BFSP2: variants seen among roughly 807,000 people sequenced by gnomAD.
BFSP2 encodes the protein phakinin.
BFSP2 carries 38 observed loss-of-function variants against 44.9 expected under a neutral mutation model. The ratio of observed to expected loss-of-function variants is 0.85; its 90% confidence interval spans 0.65 to 1.11. BFSP2 has a LOEUF of 1.11. BFSP2 is among the 50% of genes least tolerant of loss of function. The pLI, the probability that BFSP2 is intolerant of heterozygous loss-of-function variation, is 0.00. For missense variants in BFSP2, 525 were observed against 533.0 expected, an observed-to-expected ratio of 0.99 and a Z score of 0.15; for synonymous variants, 197 against 209.9, an observed-to-expected ratio of 0.94 and a Z score of 0.53.
At chr3:133,430,608 GT>G (rs2073704789) in intron 1 of BFSP2, among the ~76,000 whole-genome samples, 1 of 152,110 alleles carries the variant, frequency 6.6e-6, no homozygotes, top group African/African-American at 2.4e-5. Context: ...AATAATTCTT[GT>G]CATAAAATGG....
At chr3:133,426,627 A>G (rs1291111456) in intron 1 of BFSP2, among the ~76,000 whole-genome samples, 1 of 152,236 alleles carries the variant, frequency 6.6e-6, no homozygotes, top group Admixed American at 6.5e-5. Flanking sequence ...CAAGCCATCA[A>G]ACTTCCATCT....
At position 133,466,406 on chromosome 3, in the gene BFSP2, G is replaced by A. The variant is rs574718427; in HGVS notation, c.892-422G>A. Among the ~76,000 whole-genome samples the A allele has an allele frequency of 2.1e-3, 313 of 151,972 alleles. 2 individuals are homozygous for A. The highest frequency in any genetic ancestry group is 7.1e-3 in the African/African-American group (296 of 41,476). Reference sequence around the variant, plus strand: ...AAAAAAAAGACATTTCCAGCCAGGCGTGGTGGCTCACGCCTGTAATCCTAG... The same window carrying A: ...AAAAAAAAGACATTTCCAGCCAGGCATGGTGGCTCACGCCTGTAATCCTAG... On this transcript the variant is annotated intron_variant, in intron 4 of 6. Transcript: ENST00000302334.
intron 1 of BFSP2, among the ~76,000 whole-genome samples, chr3:133,401,539 G>A (rs975708666): frequency 4.6e-5 from 7 of 152,218 alleles, no homozygotes; most frequent in East Asian, 3.9e-4. Flanking sequence ...TGATTTCTGC[G>A]GAGTCTGGAG....
At chr3:133,421,860 G>T (rs1459301790) in intron 1 of BFSP2, among the ~76,000 whole-genome samples, 1 of 152,140 alleles carries the variant, frequency 6.6e-6, no homozygotes, top group African/African-American at 2.4e-5. Context: ...CGTAATCCCA[G>T]CACTTTGGGA....
chr3:133,409,448 C>G (rs1039470975), intron 1 of BFSP2, among the ~76,000 whole-genome samples: 2 of 152,064 alleles, frequency 1.3e-5, no homozygotes, highest in Non-Finnish European at 2.9e-5. Context: ...TGCCTATTTC[C>G]AAGTCTGACC....
intron 1 of BFSP2, chr3:133,409,807 C>A (rs921756989): frequency 6.6e-6 from 1 of 152,256 alleles, no homozygotes; most frequent in African/African-American, 2.4e-5. Context: ...GCTACCCCAA[C>A]TCCATGGGGA....
At chr3:133,416,866 G>A (rs1416952904) in intron 1 of BFSP2, among the ~76,000 whole-genome samples, 2 of 34,170 alleles carry the variant, frequency 5.9e-5, no homozygotes, top group East Asian at 8.9e-4. Context: ...TACTCACCCC[G>A]CCCCCTCTGC....
At chr3:133,466,777 G>A in intron 4 of BFSP2, 51 bp from the exon 5 acceptor site, 1 of 1,607,200 alleles carries the variant, frequency 6.2e-7, no homozygotes, top group Non-Finnish European at 8.5e-7. Flanking sequence ...AGGAAGGATG[G>A]GCTCAGATTT....
chr3:133,408,267 A>C (rs1219622352), intron 1 of BFSP2, among the ~76,000 whole-genome samples: 1 of 152,224 alleles, frequency 6.6e-6, no homozygotes, highest in Non-Finnish European at 1.5e-5. Flanking sequence ...CTAATGTCTC[A>C]ACTGCACTCA....
chr3:133,448,473 G>C lies in BFSP2; in HGVS notation c.573-16G>C, dbSNP rs1225184863. 6.2e-7 allele frequency: 1 copy of C among 1,613,290 alleles called. No individual in the cohort carries two copies. The highest frequency in any genetic ancestry group is 8.5e-7 in the Non-Finnish European group (1 of 1,179,908). ...TGGGCTACTCAGTTATGCTAATTAA[G>C]TTCCTTTATCTGCAGATATGAAAAT... On this transcript the variant is annotated splice_polypyrimidine_tract_variant and intron_variant, in intron 2 of 6. Transcript: ENST00000302334.
chr3:133,404,695 T>C (rs936779165), intron 1 of BFSP2, among the ~76,000 whole-genome samples: 3 of 152,122 alleles, frequency 2.0e-5, no homozygotes, highest in Non-Finnish European at 4.4e-5. Flanking sequence ...GAAAAAGCAT[T>C]ATATTTGAGT....
At chr3:133,417,353 T>C (rs1576564084) in intron 1 of BFSP2, among the ~76,000 whole-genome samples, 1 of 46,330 alleles carries the variant, frequency 2.2e-5, no homozygotes, top group Admixed American at 2.8e-4. Context: ...CACCCCGTTC[T>C]CTCCCCTCTA....
intron 1 of BFSP2, among the ~76,000 whole-genome samples, chr3:133,438,564 A>G (rs1324983941): frequency 1.3e-5 from 2 of 152,106 alleles, no homozygotes; most frequent in Non-Finnish European, 2.9e-5. Context: ...AAAAAAGAAA[A>G]GGTGAAAGTG....
At chr3:133,452,516 T>C (rs576561317) in intron 4 of BFSP2, among the ~76,000 whole-genome samples, 1 of 152,140 alleles carries the variant, frequency 6.6e-6, no homozygotes. Flanking sequence ...AGCCATAGAT[T>C]TGAGTTTGGT....
chr3:133,463,511 T>G (rs1201468660), intron 4 of BFSP2, among the ~76,000 whole-genome samples: 3 of 152,250 alleles, frequency 2.0e-5, no homozygotes, highest in Non-Finnish European at 4.4e-5. Flanking sequence ...TGCGATGGCC[T>G]GCTAGCACTT....
intron 1 of BFSP2, among the ~76,000 whole-genome samples, chr3:133,417,633 T>TCC (rs530894973): frequency 9.7e-5 from 13 of 134,416 alleles, no homozygotes; most frequent in African/African-American, 3.4e-4. Flanking sequence ...ATTTCCCGTC[T>TCC]ACTCACCCTT....
chr3:133,400,717 CAAT>C lies in BFSP2; in HGVS notation c.489+146_489+148del. On this transcript the variant is annotated intron_variant, in intron 1 of 6. Transcript: ENST00000302334. This position sits in a 1 kb window ranked among gnomAD's most constrained non-coding sequence, Gnocchi z 4.0. The stretch of plus-strand genomic sequence containing the variant: ...ACACTTAAAATGGTAATGATAACAA[CAAT>C]GCTACCTTTTACCGAGGTTTACTAG... 7.5e-7 allele frequency: 1 copy of C among 1,342,120 alleles called. No individual in the cohort carries two copies. The highest frequency in any genetic ancestry group is 1.0e-6 in the Non-Finnish European group (1 of 987,106). The allele number at this position is 1,342,120 out of a possible 1,614,324, so 83.1% of individuals were successfully genotyped here.
chr3:133,413,924 A>G (rs1329108865), intron 1 of BFSP2, among the ~76,000 whole-genome samples: 2 of 151,886 alleles, frequency 1.3e-5, no homozygotes, highest in Non-Finnish European at 2.9e-5. Context: ...AGGCTCTGGG[A>G]AAAATTATGC....
intron 1 of BFSP2, among the ~76,000 whole-genome samples, chr3:133,442,292 T>C (rs1436641951): frequency 1.3e-5 from 2 of 152,130 alleles, no homozygotes; most frequent in Non-Finnish European, 2.9e-5. Context: ...GTGCACATCA[T>C]GACACCTGGA....
Sources: allele counts gnomAD v4.1 joint callset (sites outside exome capture counted in the v4.1 genomes callset), GRCh38; gene constraint gnomAD v4.1.1; non-coding constraint Gnocchi (gnomAD v3.1); transcripts MANE v1.5; gene names NCBI Gene and HGNC (gene_info 2026-07-23, HGNC 2026-07-21).